Variants in PCDHA11 observed in about 807,000 individuals in gnomAD.
PCDHA11 encodes the protein protocadherin alpha-11.
In PCDHA11, 61 loss-of-function variants were observed where a neutral mutation model predicts 70.3. The observed-to-expected ratio is 0.87, with a 90% CI of 0.71 to 1.07. PCDHA11 has a LOEUF of 1.07. Ranked by LOEUF, PCDHA11 falls within the 50% of genes least tolerant of loss-of-function variation. The pLI is 0.00. For synonymous variants in PCDHA11, 633 were observed against 555.1 expected, an observed-to-expected ratio of 1.14 and a Z score of -1.97; for missense variants, 1,324 against 1,237.5, an observed-to-expected ratio of 1.07 and a Z score of -1.05.
intron 3 of PCDHA11, among the ~76,000 whole-genome samples, chr5:140,988,221 T>A (rs1554249982): frequency 6.6e-6 from 1 of 152,016 alleles, no homozygotes; most frequent in Non-Finnish European, 1.5e-5. Context: ...AAAAATGAGA[T>A]CAGGGATCTA....
At chr5:140,984,576 C>G (rs1309554018) in intron 3 of PCDHA11, among the ~76,000 whole-genome samples, 1 of 152,104 alleles carries the variant, frequency 6.6e-6, no homozygotes, top group African/African-American at 2.4e-5. Context: ...CCATGGCAAC[C>G]TAATCATACT....
At position 140,978,795 on chromosome 5, in the gene PCDHA11, G is replaced by A. The variant is rs1437973642; in HGVS notation, c.2392-154G>A. 3 of 979,120 alleles carry A rather than the reference G, an allele frequency of 3.1e-6. No individual in the cohort carries two copies. The African/African-American group carries it at 5.3e-5, about 17-fold the overall frequency. The allele number at this position is 979,120 out of a possible 1,614,324, so 60.7% of individuals were successfully genotyped here. On this transcript the variant is annotated intron_variant, in intron 1 of 3. Coordinates refer to ENST00000398640, the MANE Select transcript of PCDHA11 (RefSeq NM_018902.5). ...AATTTTCTTCTAAAGTGCTATATAT[G>A]TAGATATCATCATAGAGTTACACAT...
intron 1 of PCDHA11, among the ~76,000 whole-genome samples, chr5:140,909,492 C>T (rs955748526): frequency 4.6e-5 from 7 of 152,160 alleles, no homozygotes; most frequent in East Asian, 3.9e-4. Context: ...GAGAGCTGAA[C>T]GGGGATGTGG....
rs2153463747 is a variant in PCDHA11 at position 140,899,363 on chromosome 5, C to G, written c.2391+27869C>G. On this transcript the variant is annotated intron_variant, in intron 1 of 3. Coordinates refer to ENST00000398640, the MANE Select transcript of PCDHA11 (RefSeq NM_018902.5). ...AGCTCTTATTATTTTGAGATATGTC[C>G]CATCAATACCTAATTTATTGAGAGT... Among the ~76,000 whole-genome samples, 3 of 152,122 alleles carry G rather than the reference C, an allele frequency of 2.0e-5. No individual in the cohort carries two copies. The South Asian group carries it at 6.2e-4, about 32-fold the overall frequency.
intron 1 of PCDHA11, among the ~76,000 whole-genome samples, chr5:140,964,144 C>A (rs970079716): frequency 6.6e-6 from 1 of 152,138 alleles, no homozygotes; most frequent in African/African-American, 2.4e-5. Context: ...TTGGCAGGAG[C>A]CTCAGTATAA....
intron 1 of PCDHA11, among the ~76,000 whole-genome samples, chr5:140,878,256 C>G (rs2057518420): frequency 6.6e-6 from 1 of 152,160 alleles, no homozygotes; most frequent in Admixed American, 6.5e-5. Flanking sequence ...TCCTCACGTG[C>G]TTAGGCTTTT....
At chr5:140,917,211 C>T (rs938458701) in intron 1 of PCDHA11, among the ~76,000 whole-genome samples, 3 of 151,636 alleles carry the variant, frequency 2.0e-5, no homozygotes, top group Non-Finnish European at 2.9e-5. Context: ...TTCAATGCCT[C>T]TTTTAGTGAT....
intron 1 of PCDHA11, among the ~76,000 whole-genome samples, chr5:140,939,502 T>A (rs781895675): frequency 2.7e-5 from 4 of 150,818 alleles, no homozygotes; most frequent in Non-Finnish European, 5.9e-5. Flanking sequence ...AAATTCAATG[T>A]CTATAACATT....
intron 1 of PCDHA11, among the ~76,000 whole-genome samples, chr5:140,974,029 A>G (rs2096612369): frequency 6.6e-6 from 1 of 152,238 alleles, no homozygotes; most frequent in Admixed American, 6.5e-5. Flanking sequence ...ACAACTATAA[A>G]TTTAGCTTAT....
chr5:140,938,293 C>G (rs896897734), intron 1 of PCDHA11, among the ~76,000 whole-genome samples: 1 of 152,110 alleles, frequency 6.6e-6, no homozygotes, highest in African/African-American at 2.4e-5. Flanking sequence ...CTGTCATTGC[C>G]TATGAAATTC....
At chr5:140,911,271 C>G (rs2075400243) in intron 1 of PCDHA11, among the ~76,000 whole-genome samples, 1 of 152,072 alleles carries the variant, frequency 6.6e-6, no homozygotes, top group Non-Finnish European at 1.5e-5. Flanking sequence ...TCTCAGTGTC[C>G]CCAGCTTCAT....
chr5:141,010,202 G>A lies in PCDHA11; in HGVS notation c.*265G>A, dbSNP rs1354578914. The A allele has an allele frequency of 2.5e-5, 39 of 1,551,826 alleles. No homozygotes were observed. The highest frequency in any genetic ancestry group is 3.1e-5 in the Non-Finnish European group (36 of 1,147,058). On this transcript the variant is annotated 3_prime_UTR_variant, in exon 4 of 4. Transcript: ENST00000398640. ...CAGACCCAAGTTTCCTTTCTCCTCCGCCGCAAAGGAGAGGCTTCCCAGCCC... is the reference window on the plus strand; with the variant it reads ...CAGACCCAAGTTTCCTTTCTCCTCCACCGCAAAGGAGAGGCTTCCCAGCCC...
At chr5:140,989,413 T>G (rs1234033175) in intron 3 of PCDHA11, among the ~76,000 whole-genome samples, 3 of 152,172 alleles carry the variant, frequency 2.0e-5, no homozygotes, top group Non-Finnish European at 4.4e-5. Context: ...GAGTCTGCAC[T>G]TCACTCTGTG....
chr5:140,939,349 TA>T (rs1233387801), intron 1 of PCDHA11, among the ~76,000 whole-genome samples: 4 of 152,154 alleles, frequency 2.6e-5, no homozygotes, highest in Admixed American at 6.5e-5. Context: ...CATTTCAACT[TA>T]TGATTGCAAA....
rs1563652468 is a variant in PCDHA11, at chr5:141,000,419, A to ATT, written c.2540-9207_2540-9206insTT. ...TCTATATATATATATATATATATAT[A>ATT]TATTTTTTTTTTTTTTTTTTTTTTT... On this transcript the variant is annotated intron_variant, in intron 3 of 3. Transcript: ENST00000398640. 2.1e-3 allele frequency among the ~76,000 whole-genome samples: 126 copies of ATT among 60,978 alleles called. 1 individual carries two copies. The highest frequency in any genetic ancestry group is 3.3e-3 in the African/African-American group (43 of 13,160). The allele number at this position is 60,978 out of a possible 152,430, so 40.0% of individuals were successfully genotyped here. A position where few individuals can be genotyped will look rare whatever the true frequency, so the allele number is the denominator to read the frequency against.
At chr5:140,892,894 TC>T (rs1198816126) in intron 1 of PCDHA11, among the ~76,000 whole-genome samples, 8 of 152,158 alleles carry the variant, frequency 5.3e-5, no homozygotes, top group Non-Finnish European at 7.4e-5. Context: ...AACCAACCTT[TC>T]CCCATCCTCC....
At chr5:140,875,868 G>A (rs781927681) in intron 1 of PCDHA11, 3 of 1,614,210 alleles carry the variant, frequency 1.9e-6, no homozygotes, top group Non-Finnish European at 8.5e-7. Context: ...ACCCGCCGGT[G>A]TTCAGAGAAA....
At chr5:140,971,845 G>C (rs370364575) in intron 1 of PCDHA11, among the ~76,000 whole-genome samples, 1 of 151,934 alleles carries the variant, frequency 6.6e-6, no homozygotes, top group Non-Finnish European at 1.5e-5. Flanking sequence ...CAAGTCATGC[G>C]TTAAATATTT....
chr5:140,875,603 T>C (rs2055641899), intron 1 of PCDHA11: 1 of 1,613,724 alleles, frequency 6.2e-7, no homozygotes, highest in Admixed American at 1.7e-5. Context: ...CACGGCACCT[T>C]CGTGGGCCGC....
Sources: gnomAD v4.1 joint callset for allele counts (sites outside exome capture counted in the v4.1 genomes callset) on GRCh38, gnomAD v4.1.1 for gene constraint, MANE v1.5 for transcripts, NCBI Gene and HGNC (gene_info 2026-07-23, HGNC 2026-07-21) for gene names.